The following IKBKE variants were observed in gnomAD, a reference collection of about 807,000 sequenced individuals.
IKBKE encodes the protein inhibitor of nuclear factor kappa B kinase subunit epsilon, also known as inhibitor of nuclear factor kappa-B kinase subunit epsilon.
In IKBKE, 45 loss-of-function variants were observed where a neutral mutation model predicts 92.1. The observed-to-expected ratio is 0.49, with a 90% confidence interval of 0.38 to 0.63. IKBKE has a LOEUF of 0.63. IKBKE is among the 20% of genes least tolerant of loss of function. The pLI, the probability that IKBKE is intolerant of heterozygous loss-of-function variation, is 0.00. For missense variants in IKBKE, 700 were observed against 932.8 expected (o/e 0.75, Z 3.25); for synonymous variants, 374 against 380.3 (o/e 0.98, Z 0.19).
Position 206,496,155 on chromosome 1 carries a change from G to T in IKBKE, c.*10G>T. The T allele has an allele frequency of 6.2e-7, 1 of 1,607,312 alleles. No individual in the cohort carries two copies. Among genetic ancestry groups the T allele is most frequent in the African/African-American group, 1.3e-5 (1 of 74,894 alleles). ...ACCTCCTGATGTCTGAGCTCCATGG[G>T]GCACATGAGGCATCCTGAAGCATTA... is the stretch of plus-strand genomic sequence containing the variant. On this transcript the variant is annotated 3_prime_UTR_variant, in exon 22 of 22. Coordinates refer to ENST00000581977, the MANE Select transcript of IKBKE (RefSeq NM_014002.4).
At chr1:206,480,885 G>A (rs1466756354) in intron 13 of IKBKE, among the ~76,000 whole-genome samples, 2 of 152,288 alleles carry the variant, frequency 1.3e-5, no homozygotes, top group Non-Finnish European at 1.5e-5. Context: ...CAGAACTCTA[G>A]GGGGAGGACA....
intron 21 of IKBKE, 121 bp from the exon 22 acceptor site, chr1:206,495,990 AG>A: frequency 1.5e-6 from 1 of 656,548 alleles, no homozygotes; most frequent in Non-Finnish European, 2.7e-6. Context: ...GGGTGCTACA[AG>A]GGGAGAGCTG....
intron 5 of IKBKE, 197 bp downstream of exon 5, chr1:206,475,191 C>A: frequency 1.7e-6 from 1 of 575,586 alleles, no homozygotes; most frequent in Non-Finnish European, 2.9e-6. Context: ...AACATCCTAA[C>A]TGTGAAAACA....
rs1323745015 is a variant in IKBKE at position 206,476,245 on chromosome 1, C to A, written c.423C>A (p.Ile141=). The part of the protein sequence containing the change: ...IVHRDIKPGN[I]MRLVGEEGQS... ...ATCGCGACATCAAGCCGGGGAACAT[C>A]ATGCGCCTCGTAGGGGAGGAGGGGC... The change falls in exon 6 of 22, where the codon ATC becomes ATA. Residue 141 remains isoleucine, a synonymous_variant. Transcript: ENST00000581977. The surrounding 1 kb of genome is among the most constrained non-coding windows in gnomAD (Gnocchi z 5.1). 6.2e-7 allele frequency: 1 copy of A among 1,614,072 alleles called. No homozygotes were observed. Among genetic ancestry groups the A allele is most frequent in the East Asian group, 2.2e-5 (1 of 44,888 alleles).
At chr1:206,494,061 A>G in intron 21 of IKBKE, 70 bp downstream of exon 21, 2 of 1,342,614 alleles carry the variant, frequency 1.5e-6, no homozygotes, top group Non-Finnish European at 2.1e-6. Flanking sequence ...GGTGGTGAAG[A>G]GTCCCCAAGC....
At position 206,493,320 on chromosome 1, in the gene IKBKE, G is replaced by C. The variant is rs1553391180; in HGVS notation, c.1987G>C (p.Ala663Pro). The change falls in exon 20 of 22, where the codon GCC becomes CCC. Residue 663 changes from alanine (A) to proline (P), a missense_variant. Coordinates refer to ENST00000581977, the MANE Select transcript of IKBKE (RefSeq NM_014002.4). ...TCAGGACCGAGCAAAGGGGGCTCAG[G>C]CCTCGCCGCCTCCCATAGCTCCTTA... ...LLQDRAKGAQ[A>P]SPPPIAPYPS... is the part of the protein sequence containing the mutation. 4 of 1,614,042 alleles carry C rather than the reference G, an allele frequency of 2.5e-6. No homozygotes were observed. The highest frequency in any genetic ancestry group is 3.4e-6 in the Non-Finnish European group (4 of 1,180,028).
intron 18 of IKBKE, 49 bp from the exon 19 acceptor site, chr1:206,492,974 A>G (rs1666031358): frequency 2.7e-6 from 4 of 1,491,208 alleles, no homozygotes; most frequent in Non-Finnish European, 3.7e-6. Context: ...AGCCCTGGGG[A>G]ATGGGCTGAG....
Position 206,493,325 on chromosome 1 carries a change from G to T in IKBKE, c.1992G>T (p.Ser664=), listed in dbSNP as rs781889366. 5.6e-6 allele frequency: 9 copies of T among 1,613,802 alleles called. No homozygotes were observed. The highest frequency in any genetic ancestry group is 1.3e-5 in the African/African-American group (1 of 74,872). ...ACCGAGCAAAGGGGGCTCAGGCCTCGCCGCCTCCCATAGCTCCTTACCCCA... is the reference window on the plus strand; with the variant it reads ...ACCGAGCAAAGGGGGCTCAGGCCTCTCCGCCTCCCATAGCTCCTTACCCCA... ...LQDRAKGAQA[S]PPPIAPYPSP... Residue 664 remains serine (S), a synonymous_variant, in exon 20 of 22, where the codon TCG becomes TCT. Coordinates refer to ENST00000581977, the MANE Select transcript of IKBKE (RefSeq NM_014002.4).
chr1:206,476,263 G>C lies in IKBKE; in HGVS notation c.441G>C (p.Glu147Asp), dbSNP rs149608778. ...KPGNIMRLVG[E>D]EGQSIYKLTD... The stretch of plus-strand genomic sequence containing the variant: ...GGAACATCATGCGCCTCGTAGGGGA[G>C]GAGGGGCAGAGCATCTACAAGCTGA... The change falls in exon 6 of 22, where the codon GAG becomes GAC. Residue 147 changes from glutamate (E) to aspartate (D), a missense_variant. Physicochemically the swap from Glu to Asp is conservative, Grantham distance 45. Coordinates refer to ENST00000581977, the MANE Select transcript of IKBKE (RefSeq NM_014002.4). This position sits in a 1 kb window ranked among gnomAD's most constrained non-coding sequence, Gnocchi z 5.1. 2 of 1,613,986 alleles carry C rather than the reference G, an allele frequency of 1.2e-6. No homozygotes were observed. Among genetic ancestry groups the C allele is most frequent in the African/African-American group, 2.7e-5 (2 of 74,910 alleles).
At chr1:206,494,933 C>T (rs1004508994) in intron 21 of IKBKE, among the ~76,000 whole-genome samples, 1 of 145,576 alleles carries the variant, frequency 6.9e-6, no homozygotes, top group African/African-American at 2.6e-5. Context: ...AAAGAAAACT[C>T]GAGAACAACA....
Position 206,473,331 on chromosome 1 carries a change from G to T in IKBKE, c.87+17G>T. ...CGCAACAAGGTAGGAAGCAACCCTGGCCAGGCCCTGTCCAGCCCAGCCTTG... is the reference window on the plus strand; with the variant it reads ...CGCAACAAGGTAGGAAGCAACCCTGTCCAGGCCCTGTCCAGCCCAGCCTTG... On this transcript the variant is annotated intron_variant, in intron 3 of 21. Coordinates refer to ENST00000581977, the MANE Select transcript of IKBKE (RefSeq NM_014002.4). 2.5e-6 allele frequency: 4 copies of T among 1,591,978 alleles called. No individual in the cohort carries two copies. The highest frequency in any genetic ancestry group is 3.4e-6 in the Non-Finnish European group (4 of 1,165,102).
intron 13 of IKBKE, among the ~76,000 whole-genome samples, chr1:206,483,294 T>A (rs1029197987): frequency 1.3e-5 from 2 of 152,228 alleles, no homozygotes; most frequent in Admixed American, 6.5e-5. Context: ...AGATAGCAAA[T>A]GCCAGGACTA....
chr1:206,476,692 T>A lies in IKBKE; in HGVS notation c.555T>A (p.Tyr185Ter). The A allele has an allele frequency of 1.9e-6, 3 of 1,614,248 alleles. No individual in the cohort carries two copies. Among genetic ancestry groups the A allele is most frequent in the Non-Finnish European group, 2.5e-6 (3 of 1,180,038 alleles). The change falls in exon 7 of 22, where the codon TAT becomes TAA. Residue 185 changes from tyrosine to a stop codon, truncating the protein, a stop_gained. Coordinates refer to ENST00000581977, the MANE Select transcript of IKBKE (RefSeq NM_014002.4). LOFTEE classifies it high-confidence loss of function. This position sits in a 1 kb window ranked among gnomAD's most constrained non-coding sequence, Gnocchi z 5.1. ...GTEEYLHPDM[Y>*]ERAVLRKPQQ... ...CTCTCCGGCAGCATCCCGACATGTA[T>A]GAGCGGGCGGTGCTTCGAAAGCCCC...
rs1021086074 is a variant in IKBKE at position 206,476,822 on chromosome 1, C to T, written c.685C>T (p.Arg229Trp). ...CTTCATCCCCTTTGGTGGGCCACGG[C>T]GGAACAAGGAGATCATGTACGGTGG... The part of the protein sequence containing the change: ...LPFIPFGGPR[R>W]NKEIMYRITT... Residue 229 changes from arginine to tryptophan, a missense_variant, in exon 7 of 22, where the codon CGG (arginine) becomes TGG (tryptophan). Physicochemically the swap from Arg to Trp is moderately radical, Grantham distance 101 (BLOSUM62 -3). Transcript: ENST00000581977. This position sits in a 1 kb window ranked among gnomAD's most constrained non-coding sequence, Gnocchi z 5.1. The T allele has an allele frequency of 7.4e-6, 12 of 1,614,034 alleles. No individual in the cohort carries two copies. Among genetic ancestry groups the T allele is most frequent in the African/African-American group, 2.7e-5 (2 of 74,924 alleles).
intron 10 of IKBKE, among the ~76,000 whole-genome samples, chr1:206,479,518 C>G (rs1553386411): frequency 6.6e-6 from 1 of 152,188 alleles, no homozygotes; most frequent in African/African-American, 2.4e-5. Flanking sequence ...GGGCCTCTCT[C>G]CAAACTCTAG....
chr1:206,482,722 G>A (rs1345804568), intron 13 of IKBKE, among the ~76,000 whole-genome samples: 1 of 152,246 alleles, frequency 6.6e-6, no homozygotes, highest in African/African-American at 2.4e-5. Flanking sequence ...CTGGGCCTCT[G>A]TGTCCTCATT....
chr1:206,472,286 T>A lies in IKBKE; in HGVS notation c.-32-910T>A, dbSNP rs563112670. ...AAAGAAAAAGGAAAAAGAAAGTATT[T>A]AAAGGATGGTGGCCCTTCTAATGCT... is the stretch of plus-strand genomic sequence containing the variant. On this transcript the variant is annotated intron_variant, in intron 2 of 21. Transcript: ENST00000581977. Among the ~76,000 whole-genome samples, 6 of 152,118 alleles carry A rather than the reference T, an allele frequency of 3.9e-5. No homozygotes were observed. The South Asian group carries it at 8.3e-4, about 21-fold the overall frequency.
At chr1:206,491,214 C>T in intron 17 of IKBKE, 1 of 406,808 alleles carries the variant, frequency 2.5e-6, no homozygotes, top group East Asian at 4.8e-5. Flanking sequence ...TCCCATGTTT[C>T]CCGGACACAC....
chr1:206,471,841 GA>G (rs1553383905), intron 2 of IKBKE, among the ~76,000 whole-genome samples: 1 of 152,244 alleles, frequency 6.6e-6, no homozygotes, highest in Non-Finnish European at 1.5e-5. Context: ...ATTACACAGA[GA>G]AAAAGTTCAG....
Sources: gnomAD v4.1 joint callset for allele counts (sites outside exome capture counted in the v4.1 genomes callset) on GRCh38, gnomAD v4.1.1 for gene constraint, Gnocchi (gnomAD v3.1) non-coding constraint, MANE v1.5 for transcripts, NCBI Gene and HGNC (gene_info 2026-07-23, HGNC 2026-07-21) for gene names.